The following ACTR3C variants were observed in gnomAD, a reference collection of about 807,000 sequenced individuals.
ACTR3C encodes the protein actin related protein 3C.
ACTR3C carries 18 observed loss-of-function variants against 26.3 expected under a neutral mutation model. The observed-to-expected ratio is 0.68, with a 90% confidence interval of 0.47 to 1.01. ACTR3C has a LOEUF of 1.01. ACTR3C is among the 50% of genes least tolerant of loss of function. ACTR3C has a pLI of 0.00. For missense variants in ACTR3C, 184 were observed against 250.7 expected (o/e 0.73, Z 1.80); for synonymous variants, 55 against 94.5 (o/e 0.58, Z 2.42).
the ACTR3C span, among the ~76,000 whole-genome samples, chr7:150,020,456 C>T: frequency 1.3e-5 from 2 of 152,060 alleles, no homozygotes; most frequent in African/African-American, 4.8e-5. Flanking sequence ...TCAGAGGTTA[C>T]AGTTTACAAG....
At chr7:149,968,349 T>C in the ACTR3C span, among the ~76,000 whole-genome samples, 2 of 152,056 alleles carry the variant, frequency 1.3e-5, no homozygotes, top group East Asian at 1.9e-4. Context: ...ATCCAGACCA[T>C]GGTGAAACCC....
At chr7:150,152,473 C>CA in the ACTR3C span, among the ~76,000 whole-genome samples, 7 of 152,340 alleles carry the variant, frequency 4.6e-5, no homozygotes, top group South Asian at 1.5e-3. Context: ...ACCAGCCTTG[C>CA]ATCCCAGGGA....
At chr7:150,042,319 G>C in the ACTR3C span, among the ~76,000 whole-genome samples, 2 of 106,352 alleles carry the variant, frequency 1.9e-5, no homozygotes, top group African/African-American at 8.3e-5. Flanking sequence ...AAGAGGGACT[G>C]GCTCTCAGTC....
chr7:150,306,672 C>G (rs1488502333), intron 1 of ACTR3C, among the ~76,000 whole-genome samples: 3 of 152,138 alleles, frequency 2.0e-5, no homozygotes, highest in African/African-American at 7.2e-5. Context: ...CACAGCGAGA[C>G]CCGGTTTGGA....
chr7:150,223,349 A>ACTATTCG, the ACTR3C span, among the ~76,000 whole-genome samples: 1 of 151,208 alleles, frequency 6.6e-6, no homozygotes, highest in East Asian at 1.9e-4. Context: ...TCTAGTTTTC[A>ACTATTCG]ACTATTTATG....
chr7:149,909,117 G>A, the ACTR3C span, among the ~76,000 whole-genome samples: 1 of 151,438 alleles, frequency 6.6e-6, no homozygotes, highest in Admixed American at 6.6e-5. Flanking sequence ...CTAACCTCGG[G>A]AAGACTCCTA....
At chr7:150,185,641 AG>A in the ACTR3C span, among the ~76,000 whole-genome samples, 4 of 151,636 alleles carry the variant, frequency 2.6e-5, no homozygotes, top group African/African-American at 9.7e-5. Flanking sequence ...ATCAATATAA[AG>A]GGTGACTCCT....
chr7:150,123,207 C>T, the ACTR3C span, among the ~76,000 whole-genome samples: 1 of 151,872 alleles, frequency 6.6e-6, no homozygotes, highest in Non-Finnish European at 1.5e-5. Context: ...CATTCTGCAC[C>T]ATGTATCCCA....
At chr7:150,096,283 A>G in the ACTR3C span, among the ~76,000 whole-genome samples, 1 of 150,762 alleles carries the variant, frequency 6.6e-6, no homozygotes. Context: ...GTCTATCTCA[A>G]TTAATTTGGA....
chr7:150,102,422 T>C, the ACTR3C span, among the ~76,000 whole-genome samples: 31 of 152,208 alleles, frequency 2.0e-4, 1 homozygote, highest in East Asian at 5.4e-3. Context: ...TTCTGGCACA[T>C]TTTGTTAAAT....
chr7:149,895,331 A>G, the ACTR3C span, among the ~76,000 whole-genome samples: 11 of 150,176 alleles, frequency 7.3e-5, no homozygotes, highest in East Asian at 1.9e-3. Context: ...CTAGCATACA[A>G]CGAGGAGACA....
chr7:150,259,326 G>GGAAA (rs1327916082), intron 6 of ACTR3C, among the ~76,000 whole-genome samples: 63 of 149,280 alleles, frequency 4.2e-4, no homozygotes, highest in Non-Finnish European at 1.2e-4. Context: ...AGGAAAGAAA[G>GGAAA]GAAAGAAAGA....
the ACTR3C span, among the ~76,000 whole-genome samples, chr7:150,207,671 A>G: frequency 3.9e-5 from 6 of 152,072 alleles, no homozygotes; most frequent in African/African-American, 1.5e-4. Flanking sequence ...TGCAAGATGA[A>G]ATAAGGTGAC....
the ACTR3C span, among the ~76,000 whole-genome samples, chr7:149,889,836 A>G: frequency 6.6e-6 from 1 of 152,204 alleles, no homozygotes; most frequent in Non-Finnish European, 1.5e-5. Context: ...TAACCTGGAC[A>G]ACAGAGCAAG....
the ACTR3C span, chr7:150,073,765 T>G: frequency 4.0e-5 from 6 of 151,786 alleles, 1 homozygote; most frequent in Non-Finnish European, 1.5e-5. Context: ...ATATCATAAT[T>G]AAAATAATTT....
At chr7:150,141,899 T>C in the ACTR3C span, among the ~76,000 whole-genome samples, 6 of 151,974 alleles carry the variant, frequency 3.9e-5, no homozygotes, top group Non-Finnish European at 5.9e-5. Flanking sequence ...GGCCTCTCTC[T>C]ACACACCCCA....
the ACTR3C span, among the ~76,000 whole-genome samples, chr7:150,090,688 A>G: frequency 1.4e-5 from 2 of 145,992 alleles, no homozygotes; most frequent in Non-Finnish European, 1.5e-5. Flanking sequence ...TTAATTACCT[A>G]TGTGACTTTA....
chr7:150,318,323 A>C (rs1024295269), intron 1 of ACTR3C, among the ~76,000 whole-genome samples: 3 of 152,188 alleles, frequency 2.0e-5, no homozygotes, highest in African/African-American at 7.2e-5. Flanking sequence ...AGTCTTTCCT[A>C]GAGCTTTCAG....
chr7:149,942,146 G>A, the ACTR3C span, among the ~76,000 whole-genome samples: 1 of 145,918 alleles, frequency 6.9e-6, no homozygotes, highest in African/African-American at 2.7e-5. Context: ...ATGTGTGTGT[G>A]TGTACATACA....
Sources: gnomAD v4.1 joint callset for allele counts (sites outside exome capture counted in the v4.1 genomes callset) on GRCh38, gnomAD v4.1.1 for gene constraint, MANE v1.5 for transcripts, NCBI Gene and HGNC (gene_info 2026-07-23, HGNC 2026-07-21) for gene names.